KALRN: variants seen among roughly 807,000 people sequenced by gnomAD.
The protein encoded by KALRN is kalirin RhoGEF kinase.
A neutral mutation model predicts 353.7 loss-of-function variants in KALRN; 70 were observed. The ratio of observed to expected loss-of-function variants is 0.20; its 90% CI spans 0.16 to 0.24. The LOEUF is 0.24. Among genes scored for constraint, KALRN ranks in the 10% least tolerant of loss-of-function variants. The pLI is 1.00. For synonymous variants in KALRN, 1,391 were observed against 1,434.8 expected (o/e 0.97, Z 0.69); for missense variants, 2,791 against 3,756.7 (o/e 0.74, Z 6.72).
chr3:124,472,573 A>ATGTG (rs1257799609), intron 25 of KALRN, among the ~76,000 whole-genome samples: 29 of 97,434 alleles, frequency 3.0e-4, no homozygotes, highest in African/African-American at 4.7e-4. Flanking sequence ...GTGTGTGTGT[A>ATGTG]TATGTGTGTG....
chr3:124,064,202 G>T (rs985084398), intron 1 of KALRN, among the ~76,000 whole-genome samples: 5 of 152,114 alleles, frequency 3.3e-5, no homozygotes, highest in Admixed American at 1.3e-4. Context: ...CTGCAGTGGG[G>T]TCACCACTGG....
At chr3:124,086,129 T>C (rs2060804894) in intron 1 of KALRN, among the ~76,000 whole-genome samples, 1 of 152,014 alleles carries the variant, frequency 6.6e-6, no homozygotes, top group African/African-American at 2.4e-5. Context: ...TTTCTTTCCT[T>C]TTTTTTTCTG....
intron 47 of KALRN, among the ~76,000 whole-genome samples, chr3:124,667,788 G>A (rs1042462272): frequency 1.3e-5 from 2 of 152,124 alleles, no homozygotes; most frequent in African/African-American, 2.4e-5. Flanking sequence ...GCTCCCTCAT[G>A]GGTGGTGTGA....
rs190438722 is a variant in KALRN at position 124,581,440 on chromosome 3, G to A, written c.5182+18351G>A. On this transcript the variant is annotated intron_variant, in intron 34 of 59. Coordinates refer to ENST00000682506, the MANE Select transcript of KALRN (RefSeq NM_001388419.1). ...GAAACATGCCCAGTGGATCCATTTT[G>A]CCTATAGTGGACTACTTTAGGGTCT... Among the ~76,000 whole-genome samples, 17 of 150,972 alleles carry A rather than the reference G, an allele frequency of 1.1e-4. No individual in the cohort carries two copies. In the East Asian group the frequency reaches 3.3e-3, roughly 29 times the overall value.
intron 10 of KALRN, among the ~76,000 whole-genome samples, chr3:124,361,229 A>G (rs866593007): frequency 1.4e-4 from 22 of 152,100 alleles, no homozygotes; most frequent in Admixed American, 3.3e-4. Context: ...CTTCCTTCTG[A>G]TTTTTTTCTA....
At position 124,325,962 on chromosome 3, in the gene KALRN, C is replaced by T. The variant is rs1295601793; in HGVS notation, c.1093-18C>T. ...TCTTTTGAGCCTGCCCCACTGAGCA[C>T]TCTCCTTTTCTTTCCAGAATGCCTA... On this transcript the variant is annotated intron_variant, in intron 6 of 59. Coordinates refer to ENST00000682506, the MANE Select transcript of KALRN (RefSeq NM_001388419.1). 1 of 1,604,736 alleles carries T rather than the reference C, an allele frequency of 6.2e-7. No homozygotes were observed. The highest frequency in any genetic ancestry group is 1.7e-5 in the Admixed American group (1 of 59,616).
chr3:124,306,582 T>G (rs1194799743), intron 6 of KALRN, among the ~76,000 whole-genome samples: 1 of 152,096 alleles, frequency 6.6e-6, no homozygotes. Context: ...AATTATTAAA[T>G]TATTAGATGA....
chr3:124,640,242 C>T (rs1322868501), intron 37 of KALRN, among the ~76,000 whole-genome samples: 1 of 151,350 alleles, frequency 6.6e-6, no homozygotes, highest in African/African-American at 2.4e-5. Flanking sequence ...TCAAACCATA[C>T]ACATCATGAG....
rs763659990 is a variant in KALRN, at chr3:124,667,107, C to T, written c.6627C>T (p.Ala2209=). ...RETSERVVLQ[A]ANADIQQAWV... is the part of the protein sequence containing the mutation. The stretch of plus-strand genomic sequence containing the variant: ...CTTCTGAGAGGGTTGTTCTGCAAGC[C>T]GCCAACGCTGACATCCAGCAGGCCT... The change falls in exon 47 of 60, where the codon GCC becomes GCT. Residue 2209 remains alanine, a synonymous_variant. Transcript: ENST00000682506. The T allele has an allele frequency of 3.1e-5, 50 of 1,613,984 alleles. No individual in the cohort carries two copies. The highest frequency in any genetic ancestry group is 3.8e-5 in the Non-Finnish European group (45 of 1,180,006).
chr3:124,148,103 A>G (rs548962165), intron 1 of KALRN, among the ~76,000 whole-genome samples: 1 of 152,176 alleles, frequency 6.6e-6, no homozygotes, highest in Non-Finnish European at 1.5e-5. Context: ...GAAGGACTTG[A>G]CCAACAATGG....
intron 10 of KALRN, among the ~76,000 whole-genome samples, chr3:124,376,485 A>G (rs1402388210): frequency 6.6e-6 from 1 of 152,186 alleles, no homozygotes; most frequent in Admixed American, 6.5e-5. Context: ...CCATTCCCAG[A>G]ATTCATCCCC....
intron 11 of KALRN, among the ~76,000 whole-genome samples, chr3:124,394,640 T>C (rs2089932407): frequency 6.6e-6 from 1 of 152,190 alleles, no homozygotes; most frequent in African/African-American, 2.4e-5. Context: ...AAGAACAAAA[T>C]AGTATGGAAT....
chr3:124,590,118 A>G (rs1322017248), intron 34 of KALRN, among the ~76,000 whole-genome samples: 1 of 152,114 alleles, frequency 6.6e-6, no homozygotes, highest in Non-Finnish European at 1.5e-5. Flanking sequence ...TTCAACCCGA[A>G]TCCTATGCTT....
intron 33 of KALRN, among the ~76,000 whole-genome samples, chr3:124,516,649 A>AAC (rs1204846575): frequency 1.3e-5 from 2 of 151,758 alleles, no homozygotes; most frequent in African/African-American, 4.8e-5. Flanking sequence ...AAAAAAAAAA[A>AAC]AAAAAACCTG....
intron 13 of KALRN, among the ~76,000 whole-genome samples, chr3:124,399,379 C>A (rs9834296): frequency 0.13 from 20,332 of 152,160 alleles, 1,520 homozygotes; most frequent in Admixed American, 0.18. Context: ...CTCAGGTGAT[C>A]CGCCTGCCTC....
chr3:124,233,275 G>A (rs1482225138), intron 2 of KALRN, among the ~76,000 whole-genome samples: 4 of 152,216 alleles, frequency 2.6e-5, no homozygotes, highest in African/African-American at 9.7e-5. Context: ...GGGGAAGGTT[G>A]AGAGTGTTGG....
chr3:124,531,500 A>T (rs1321306395), intron 33 of KALRN, among the ~76,000 whole-genome samples: 1 of 152,182 alleles, frequency 6.6e-6, no homozygotes. Context: ...AATACCAGAG[A>T]CTGGGTAATT....
At chr3:124,336,851 T>G (rs1435457525) in intron 9 of KALRN, among the ~76,000 whole-genome samples, 1 of 152,222 alleles carries the variant, frequency 6.6e-6, no homozygotes, top group East Asian at 1.9e-4. Flanking sequence ...GAAGAGGTCC[T>G]TCACATCCCT....
intron 19 of KALRN, 34 bp from the exon 20 acceptor site, chr3:124,446,127 C>G (rs757728230): frequency 1.0e-5 from 15 of 1,477,206 alleles, no homozygotes; most frequent in Non-Finnish European, 1.3e-5. Context: ...GCTCAGAGCC[C>G]CTTGTGACCA....
Sources: allele counts gnomAD v4.1 joint callset (sites outside exome capture counted in the v4.1 genomes callset), GRCh38; gene constraint gnomAD v4.1.1; transcripts MANE v1.5; gene names NCBI Gene and HGNC (gene_info 2026-07-23, HGNC 2026-07-21).